PGLYRP4: variants seen among roughly 807,000 people sequenced by gnomAD.
PGLYRP4 encodes peptidoglycan recognition protein 4, also known as PGRP-I-beta.
PGLYRP4 carries 39 observed loss-of-function variants against 41.2 expected under a neutral mutation model. The ratio of observed to expected loss-of-function variants is 0.95; its 90% CI spans 0.73 to 1.24. The LOEUF (loss-of-function observed/expected upper bound fraction) is 1.24, where lower values mean the gene tolerates loss of function less well. Among genes scored for constraint, PGLYRP4 ranks in the 50% most tolerant of loss-of-function variants. PGLYRP4 has a pLI of 0.00. For synonymous variants in PGLYRP4, 202 were observed against 186.8 expected (o/e 1.08, Z -0.66); for missense variants, 467 against 460.7 (o/e 1.01, Z -0.13).
chr1:153,334,468 T>TATATATATTTTTTTTTATATA (rs1275488427), intron 8 of PGLYRP4, among the ~76,000 whole-genome samples: 1 of 142,530 alleles, frequency 7.0e-6, no homozygotes, highest in African/African-American at 2.6e-5. Context: ...ATATATTTAT[T>TATATATATTTTTTTTTATATA]TATATATATT....
intron 3 of PGLYRP4, among the ~76,000 whole-genome samples, chr1:153,345,603 A>T (rs1660976319): frequency 6.6e-6 from 1 of 152,074 alleles, no homozygotes; most frequent in Admixed American, 6.5e-5. Flanking sequence ...CCCCCATCCC[A>T]TAATGTCCCC....
intron 8 of PGLYRP4, among the ~76,000 whole-genome samples, chr1:153,333,566 T>C (rs2101550450): frequency 6.6e-6 from 1 of 152,158 alleles, no homozygotes; most frequent in East Asian, 1.9e-4. Flanking sequence ...CCCCAACTCA[T>C]CTACAAAGCC....
Position 153,347,993 on chromosome 1 carries a change from G to A in PGLYRP4, c.-46-15C>T. On this transcript the variant is annotated splice_polypyrimidine_tract_variant and intron_variant, in intron 1 of 8. Coordinates refer to ENST00000359650, the MANE Select transcript of PGLYRP4 (RefSeq NM_020393.4). ...TGGATGGCAGCCTGAGAGAGACGCT[G>A]ACAGTTGTTAACATGACCATTCTCA... 6 of 1,367,524 alleles carry A rather than the reference G, an allele frequency of 4.4e-6. No homozygotes were observed. The highest frequency in any genetic ancestry group is 6.2e-6 in the Non-Finnish European group (6 of 964,350). The allele number at this position is 1,367,524 out of a possible 1,614,324, so 84.7% of individuals were successfully genotyped here. A position where few individuals can be genotyped will look rare whatever the true frequency, so the allele number is the denominator to read the frequency against.
chr1:153,341,966 A>G (rs1015613394), intron 5 of PGLYRP4, among the ~76,000 whole-genome samples, 187 bp from the exon 6 acceptor site: 1 of 152,180 alleles, frequency 6.6e-6, no homozygotes, highest in Non-Finnish European at 1.5e-5. Context: ...CAGTGGCTCA[A>G]AATGAAGTCC....
chr1:153,341,116 A>G (rs1218689930), intron 6 of PGLYRP4, among the ~76,000 whole-genome samples: 1 of 152,102 alleles, frequency 6.6e-6, no homozygotes, highest in Non-Finnish European at 1.5e-5. Flanking sequence ...TGTATTCAGA[A>G]ATGTGTGTTT....
At chr1:153,341,513 G>T in intron 6 of PGLYRP4, 114 bp downstream of exon 6, 1 of 983,348 alleles carries the variant, frequency 1.0e-6, no homozygotes, top group Non-Finnish European at 1.5e-6. Flanking sequence ...GTGGCCAGTT[G>T]CCTTCCAGAA....
At chr1:153,332,772 C>A (rs1039660034) in intron 8 of PGLYRP4, among the ~76,000 whole-genome samples, 1 of 152,092 alleles carries the variant, frequency 6.6e-6, no homozygotes, top group African/African-American at 2.4e-5. Context: ...CAACCTGCTC[C>A]TGAATGGTCA....
chr1:153,335,002 T>A (rs1421271106), intron 8 of PGLYRP4, among the ~76,000 whole-genome samples: 1 of 152,158 alleles, frequency 6.6e-6, no homozygotes, highest in Non-Finnish European at 1.5e-5. Context: ...GATAGTCACA[T>A]GCAGAAGAAT....
At chr1:153,335,515 C>CA (rs1660517631) in intron 8 of PGLYRP4, among the ~76,000 whole-genome samples, 1 of 150,514 alleles carries the variant, frequency 6.6e-6, no homozygotes, top group Non-Finnish European at 1.5e-5. Flanking sequence ...GTCAGATTGA[C>CA]AGAGACTGAG....
rs1011918422 is a variant in PGLYRP4 at position 153,330,314 on chromosome 1, T to C, written c.*453A>G. The C allele has an allele frequency of 6.5e-6, 1 of 154,694 alleles. No individual in the cohort carries two copies. Among genetic ancestry groups the C allele is most frequent in the African/African-American group, 2.4e-5 (1 of 41,460 alleles). The allele number at this position is 154,694 out of a possible 1,614,324, so 9.6% of individuals were successfully genotyped here. On this transcript the variant is annotated 3_prime_UTR_variant, in exon 9 of 9. Coordinates refer to ENST00000359650, the MANE Select transcript of PGLYRP4 (RefSeq NM_020393.4). ...TGACAGCCATTAAATAAGGGCTACA[T>C]CCAAATATATACAAGTTTATGTGTA...
chr1:153,337,192 C>T lies in PGLYRP4; in HGVS notation c.932G>A (p.Gly311Asp). 1 of 1,608,384 alleles carries T rather than the reference C, an allele frequency of 6.2e-7. No homozygotes were observed. Among genetic ancestry groups the T allele is most frequent in the East Asian group, 2.2e-5 (1 of 44,834 alleles). ...DDIALGITFMGTFTGIPPNAA... is the reference protein window; with the variant it reads ...DDIALGITFMDTFTGIPPNAA... ...AAGCATCCACTTACCTGTGAAGGTGCCCATGAAGGTAATGCCCAGGGCAAT... is the reference window on the plus strand; with the variant it reads ...AAGCATCCACTTACCTGTGAAGGTGTCCATGAAGGTAATGCCCAGGGCAAT... Residue 311 changes from glycine to aspartate, a missense_variant, in exon 8 of 9, where the codon GGC becomes GAC. Physicochemically the swap from Gly to Asp is moderately conservative, Grantham distance 94 (BLOSUM62 -1). Transcript: ENST00000359650.
intron 7 of PGLYRP4, among the ~76,000 whole-genome samples, chr1:153,340,147 T>G (rs1660732867): frequency 6.6e-6 from 1 of 152,232 alleles, no homozygotes; most frequent in African/African-American, 2.4e-5. Flanking sequence ...CATGCCAGTG[T>G]ACTACCTTTA....
chr1:153,348,751 C>G lies in PGLYRP4; in HGVS notation c.-270G>C, dbSNP rs534461199. On this transcript the variant is annotated 5_prime_UTR_variant, in exon 1 of 9. Transcript: ENST00000359650. ...CTCTAGCTTCCCAGAGAGAAGAGAG[C>G]CCAGGATCCCTAACAAAAGATGGGG... 1 of 146,206 alleles carries G rather than the reference C, an allele frequency of 6.8e-6. No individual in the cohort carries two copies. The highest frequency in any genetic ancestry group is 6.9e-5 in the Admixed American group (1 of 14,566). 9.1% of individuals were successfully genotyped at this position (146,206 alleles called of 1,614,324 possible). A position where few individuals can be genotyped will look rare whatever the true frequency, so the allele number is the denominator to read the frequency against.
chr1:153,345,849 C>A (rs1463975851), intron 3 of PGLYRP4, among the ~76,000 whole-genome samples: 1 of 152,212 alleles, frequency 6.6e-6, no homozygotes, highest in African/African-American at 2.4e-5. Context: ...AGGTTTGGGT[C>A]TCCCTCCACA....
At chr1:153,343,661 T>A (rs544695051) in intron 4 of PGLYRP4, among the ~76,000 whole-genome samples, 21 of 152,196 alleles carry the variant, frequency 1.4e-4, no homozygotes, top group Non-Finnish European at 2.1e-4. Context: ...AAATAGCTCC[T>A]GAGACAGGGA....
chr1:153,347,587 T>C (rs1364020161), intron 2 of PGLYRP4, among the ~76,000 whole-genome samples: 1 of 152,186 alleles, frequency 6.6e-6, no homozygotes, highest in Non-Finnish European at 1.5e-5. Context: ...TTGGCCAGGA[T>C]GGTCTCGATC....
intron 7 of PGLYRP4, 70 bp downstream of exon 7, chr1:153,340,310 TC>T: frequency 7.3e-7 from 1 of 1,371,772 alleles, no homozygotes; most frequent in East Asian, 2.3e-5. Context: ...TAGTTCCCTT[TC>T]CCCTTCCTTT....
At chr1:153,347,042 G>A (rs1188747725) in intron 2 of PGLYRP4, among the ~76,000 whole-genome samples, 1 of 152,082 alleles carries the variant, frequency 6.6e-6, no homozygotes, top group East Asian at 1.9e-4. Context: ...GAGAGAGTAG[G>A]TTTTGGGGGA....
chr1:153,341,140 T>C (rs895048889), intron 6 of PGLYRP4, among the ~76,000 whole-genome samples: 5 of 152,256 alleles, frequency 3.3e-5, no homozygotes, highest in African/African-American at 1.2e-4. Context: ...TGTGTTCATG[T>C]GTAAACATAT....
Sources: allele counts gnomAD v4.1 joint callset (sites outside exome capture counted in the v4.1 genomes callset), GRCh38; gene constraint gnomAD v4.1.1; transcripts MANE v1.5; gene names NCBI Gene and HGNC (gene_info 2026-07-23, HGNC 2026-07-21).